The following SPECC1 variants were observed in gnomAD, a reference collection of about 807,000 sequenced individuals.
SPECC1 encodes the protein sperm antigen with calponin homology and coiled-coil domains 1.
In SPECC1, 62 loss-of-function variants were observed where a neutral mutation model predicts 104.1. The observed-to-expected ratio is 0.60, with a 90% CI of 0.49 to 0.74. SPECC1 has a LOEUF of 0.74. Ranked by LOEUF, SPECC1 falls within the 30% of genes least tolerant of loss-of-function variation. The probability of loss-of-function intolerance (pLI) is 0.00; values close to 1 mark genes in which losing one functional copy is unlikely to be tolerated. For missense variants in SPECC1, 1,306 were observed against 1,310.5 expected (o/e 1.00, Z 0.05); for synonymous variants, 513 against 501.6 (o/e 1.02, Z -0.30).
At chr17:20,109,279 T>C (rs2048370446) in intron 2 of SPECC1, among the ~76,000 whole-genome samples, 1 of 152,372 alleles carries the variant, frequency 6.6e-6, no homozygotes, top group Non-Finnish European at 1.5e-5. Flanking sequence ...GCTCGCCCAC[T>C]GCATATCGAC....
At chr17:20,207,287 G>C (rs141776753) in intron 4 of SPECC1, among the ~76,000 whole-genome samples, 3 of 152,330 alleles carry the variant, frequency 2.0e-5, no homozygotes, top group East Asian at 3.9e-4. Flanking sequence ...GATGAGCTTA[G>C]TGGTGGGTCA....
At chr17:20,182,520 G>A (rs1176902137) in intron 3 of SPECC1, among the ~76,000 whole-genome samples, 1 of 152,102 alleles carries the variant, frequency 6.6e-6, no homozygotes, top group Non-Finnish European at 1.5e-5. Context: ...CATTGGGTAT[G>A]ATCTCATAGT....
chr17:20,273,736 A>G (rs2040486460), intron 12 of SPECC1, among the ~76,000 whole-genome samples: 1 of 152,120 alleles, frequency 6.6e-6, no homozygotes, highest in African/African-American at 2.4e-5. Flanking sequence ...TTTGCACCAT[A>G]AATCAGGTTG....
chr17:20,292,808 T>C (rs2041217863), intron 12 of SPECC1, among the ~76,000 whole-genome samples: 1 of 152,196 alleles, frequency 6.6e-6, no homozygotes, highest in South Asian at 2.1e-4. Flanking sequence ...TAGCGACTGC[T>C]GAAAGTTGAC....
intron 1 of SPECC1, among the ~76,000 whole-genome samples, chr17:20,066,751 G>GA (rs11403090): frequency 0.52 from 79,262 of 151,000 alleles, 21,166 homozygotes; most frequent in Middle Eastern, 0.62. Context: ...TGCTTAAGTA[G>GA]TTTTTTTTTT....
At chr17:20,048,609 T>C (rs1031605491) in intron 1 of SPECC1, among the ~76,000 whole-genome samples, 2 of 152,136 alleles carry the variant, frequency 1.3e-5, no homozygotes, top group Non-Finnish European at 2.9e-5. Flanking sequence ...ATTTTTTCTT[T>C]TGTAAGAATT....
intron 1 of SPECC1, among the ~76,000 whole-genome samples, chr17:20,013,783 A>G (rs978565351): frequency 6.6e-6 from 1 of 152,226 alleles, no homozygotes; most frequent in Non-Finnish European, 1.5e-5. Context: ...GATTACAGGC[A>G]TGAACCACTG....
At chr17:20,189,252 G>A (rs1034204035) in intron 3 of SPECC1, among the ~76,000 whole-genome samples, 15 of 152,174 alleles carry the variant, frequency 9.9e-5, no homozygotes, top group Non-Finnish European at 1.0e-4. Flanking sequence ...CCACAGTGCT[G>A]CTGGGAGATT....
chr17:20,236,969 G>A (rs755333478), intron 7 of SPECC1: 6 of 1,602,522 alleles, frequency 3.7e-6, no homozygotes, highest in Non-Finnish European at 5.1e-6. Flanking sequence ...AATGTGTAGA[G>A]GAGAAATTGC....
intron 5 of SPECC1, among the ~76,000 whole-genome samples, chr17:20,228,962 T>G (rs901631174): frequency 3.3e-5 from 5 of 152,176 alleles, no homozygotes; most frequent in Non-Finnish European, 5.9e-5. Context: ...ATCCTCCTTA[T>G]TCACAGATTT....
chr17:20,206,815 A>G (rs1342325367), intron 4 of SPECC1, among the ~76,000 whole-genome samples: 1 of 152,222 alleles, frequency 6.6e-6, no homozygotes, highest in Non-Finnish European at 1.5e-5. Context: ...TATTCATCCT[A>G]GCGGTCATGA....
At chr17:20,028,250 G>A (rs565200858) in intron 1 of SPECC1, among the ~76,000 whole-genome samples, 1 of 140,732 alleles carries the variant, frequency 7.1e-6, no homozygotes, top group Admixed American at 7.2e-5. Flanking sequence ...ACTTTAGTGT[G>A]ATGGAGGGTC....
At chr17:20,215,626 C>A (rs1386380124) in intron 4 of SPECC1, among the ~76,000 whole-genome samples, 1 of 152,194 alleles carries the variant, frequency 6.6e-6, no homozygotes, top group Non-Finnish European at 1.5e-5. Flanking sequence ...TAAATGATTT[C>A]TCATAGCCAG....
chr17:20,283,665 C>T (rs1169171458), intron 12 of SPECC1, among the ~76,000 whole-genome samples: 1 of 152,136 alleles, frequency 6.6e-6, no homozygotes, highest in Non-Finnish European at 1.5e-5. Context: ...TGGCTCACCT[C>T]AACCTCTGCC....
chr17:20,206,876 A>C (rs2036819674), intron 4 of SPECC1, among the ~76,000 whole-genome samples: 1 of 152,232 alleles, frequency 6.6e-6, no homozygotes, highest in African/African-American at 2.4e-5. Context: ...ACATTGTTAT[A>C]TCATTTAAAT....
intron 14 of SPECC1, among the ~76,000 whole-genome samples, chr17:20,308,645 A>G (rs556781695): frequency 6.6e-6 from 1 of 152,346 alleles, no homozygotes; most frequent in East Asian, 1.9e-4. Context: ...ATGCTTTAAA[A>G]TGTAGTCACA....
chr17:20,181,949 G>A (rs2034921932), intron 3 of SPECC1, among the ~76,000 whole-genome samples: 1 of 152,046 alleles, frequency 6.6e-6, no homozygotes, highest in Admixed American at 6.6e-5. Flanking sequence ...CAAGTAGCCT[G>A]CTTAAGAGAC....
chr17:20,296,911 C>T (rs2041371189), intron 12 of SPECC1, 50 bp from the exon 13 acceptor site: 1 of 1,531,892 alleles, frequency 6.5e-7, no homozygotes, highest in Admixed American at 1.7e-5. Flanking sequence ...ATCTGTGATA[C>T]TGCACAGTTT....
intron 12 of SPECC1, among the ~76,000 whole-genome samples, chr17:20,295,737 T>C (rs1198446008): frequency 6.6e-6 from 1 of 152,216 alleles, no homozygotes; most frequent in Non-Finnish European, 1.5e-5. Flanking sequence ...TGGTATCTCA[T>C]TGAGGTTTTG....
Sources: gnomAD v4.1 joint callset for allele counts (sites outside exome capture counted in the v4.1 genomes callset) on GRCh38, gnomAD v4.1.1 for gene constraint, MANE v1.5 for transcripts, NCBI Gene and HGNC (gene_info 2026-07-23, HGNC 2026-07-21) for gene names.